NFYC: variants seen among roughly 807,000 people sequenced by gnomAD.
The protein encoded by NFYC is CAAT box DNA-binding protein subunit C.
NFYC carries 25 observed loss-of-function variants against 53.1 expected under a neutral mutation model. The ratio of observed to expected loss-of-function variants is 0.47; its 90% CI spans 0.34 to 0.66. NFYC has a LOEUF of 0.66. NFYC is among the 30% of genes least tolerant of loss of function. The pLI, the probability that NFYC is intolerant of heterozygous loss-of-function variation, is 0.01. For synonymous variants in NFYC, 145 were observed against 152.6 expected, an observed-to-expected ratio of 0.95 and a Z score of 0.37; for missense variants, 260 against 422.7, an observed-to-expected ratio of 0.62 and a Z score of 3.38.
chr1:40,697,028 T>C (rs1011494349), intron 1 of NFYC, among the ~76,000 whole-genome samples: 1 of 152,226 alleles, frequency 6.6e-6, no homozygotes, highest in Non-Finnish European at 1.5e-5. Context: ...TAGTTGCTGA[T>C]TGGAGTCAGA....
chr1:40,712,583 A>G (rs1643967378), intron 1 of NFYC: 1 of 147,976 alleles, frequency 6.8e-6, no homozygotes, highest in South Asian at 2.1e-4. Context: ...CTTTGTGATT[A>G]TCCTGTCAAT....
chr1:40,691,864 A>G lies in NFYC; in HGVS notation c.-12A>G. 1 of 421,180 alleles carries G rather than the reference A, an allele frequency of 2.4e-6. No individual in the cohort carries two copies. The highest frequency in any genetic ancestry group is 4.8e-6 in the Non-Finnish European group (1 of 207,914). 26.1% of individuals were successfully genotyped at this position (421,180 alleles called of 1,614,324 possible). A position where few individuals can be genotyped will look rare whatever the true frequency, so the allele number is the denominator to read the frequency against. ...TCCTGCTCTTCCTGGACTCCTGAGC[A>G]GAGGTGTGTGAGTGTGCGGGAGTTT... On this transcript the variant is annotated 5_prime_UTR_variant, in exon 1 of 10. Transcript: ENST00000447388.
rs1200455571 is a variant in NFYC at position 40,770,487 on chromosome 1, A to G, written c.889-222A>G. ...AGCCACAGGAAATTCAACTCCCTGC[A>G]CCTCTTCCCTGCCCACCACACACCC... On this transcript the variant is annotated intron_variant, in intron 9 of 9. Transcript: ENST00000447388. This position sits in a 1 kb window ranked among gnomAD's most constrained non-coding sequence, Gnocchi z 5.3. The G allele has an allele frequency of 6.4e-7, 1 of 1,551,270 alleles. No individual in the cohort carries two copies. Among genetic ancestry groups the G allele is most frequent in the Non-Finnish European group, 8.7e-7 (1 of 1,147,168 alleles).
At chr1:40,757,564 A>G (rs1376179288) in intron 5 of NFYC, among the ~76,000 whole-genome samples, 4 of 152,212 alleles carry the variant, frequency 2.6e-5, no homozygotes, top group East Asian at 1.9e-4. Context: ...AGAGCTTTCA[A>G]CAAGCTGTGA....
rs111840630 is a variant in NFYC, at chr1:40,713,626, A to T, written c.-9+21759A>T. 5.1e-3 allele frequency among the ~76,000 whole-genome samples: 782 copies of T among 152,278 alleles called. 10 individuals carry two copies. The highest frequency in any genetic ancestry group is 0.018 in the African/African-American group (757 of 41,562). ...TTAGGCTGATGGGAATCACTTAGGGATCTAGTCTAGTTCCCTTCTTGTAAA... is the reference window on the plus strand; with the variant it reads ...TTAGGCTGATGGGAATCACTTAGGGTTCTAGTCTAGTTCCCTTCTTGTAAA... On this transcript the variant is annotated intron_variant, in intron 1 of 9. Coordinates refer to ENST00000447388, the MANE Select transcript of NFYC (RefSeq NM_014223.5).
At chr1:40,764,473 C>A (rs955591965) in intron 7 of NFYC, among the ~76,000 whole-genome samples, 1 of 151,218 alleles carries the variant, frequency 6.6e-6, no homozygotes, top group Non-Finnish European at 1.5e-5. Flanking sequence ...CAGTCCTCAA[C>A]CCCAAGATTT....
chr1:40,740,252 C>T (rs16865693), intron 2 of NFYC, among the ~76,000 whole-genome samples: 7,810 of 152,162 alleles, frequency 0.051, 341 homozygotes, highest in African/African-American at 0.11. Flanking sequence ...TAACTTCTGA[C>T]GTTACAATGT....
chr1:40,744,135 G>A (rs1283555700), intron 2 of NFYC, among the ~76,000 whole-genome samples: 1 of 152,186 alleles, frequency 6.6e-6, no homozygotes, highest in Non-Finnish European at 1.5e-5. Context: ...TCCACCTCCT[G>A]TCAGATCAGC....
In NFYC at chr1:40,744,615, A is replaced by T. The variant is rs557559513; in HGVS notation, c.106-2919A>T. 1.1e-4 allele frequency among the ~76,000 whole-genome samples: 17 copies of T among 152,320 alleles called. No homozygotes were observed. In the South Asian group the frequency reaches 2.9e-3, roughly 26 times the overall value. Reference sequence around the variant, plus strand: ...GCAGTTTCAGATGGAAGCATTTTTAACGTAGTTCTTTGGTAGTGGTCAGGA... The same window carrying T: ...GCAGTTTCAGATGGAAGCATTTTTATCGTAGTTCTTTGGTAGTGGTCAGGA... On this transcript the variant is annotated intron_variant, in intron 2 of 9. Coordinates refer to ENST00000447388, the MANE Select transcript of NFYC (RefSeq NM_014223.5).
rs147093254 is a variant in NFYC, at chr1:40,704,785, TG to T, written c.-9+12919del. ...ATCAGACATTTGGTGGGATTAGTGG[TG>T]AAAAACCTGGGTTTCCAGCATAAAA... On this transcript the variant is annotated intron_variant, in intron 1 of 9. Coordinates refer to ENST00000447388, the MANE Select transcript of NFYC (RefSeq NM_014223.5). Among the ~76,000 whole-genome samples the T allele has an allele frequency of 3.5e-3, 526 of 152,306 alleles. 7 individuals are homozygous for T. The highest frequency in any genetic ancestry group is 0.012 in the African/African-American group (505 of 41,564).
At chr1:40,737,572 A>C (rs962822044) in intron 1 of NFYC, among the ~76,000 whole-genome samples, 3 of 151,848 alleles carry the variant, frequency 2.0e-5, no homozygotes, top group Admixed American at 2.0e-4. Context: ...CAGGTGATCC[A>C]CCTGCCTCGG....
At chr1:40,725,914 A>G (rs1211814632) in intron 1 of NFYC, among the ~76,000 whole-genome samples, 1 of 152,254 alleles carries the variant, frequency 6.6e-6, no homozygotes, top group Non-Finnish European at 1.5e-5. Flanking sequence ...GTGCAACAGC[A>G]TAATGTCTAA....
intron 5 of NFYC, among the ~76,000 whole-genome samples, chr1:40,756,496 C>T (rs775128359): frequency 6.6e-6 from 1 of 152,098 alleles, no homozygotes; most frequent in Non-Finnish European, 1.5e-5. Context: ...GTCAAGTAAC[C>T]ATGTCATGCA....
At chr1:40,696,028 T>TG (rs1643117467) in intron 1 of NFYC, among the ~76,000 whole-genome samples, 1 of 149,506 alleles carries the variant, frequency 6.7e-6, no homozygotes. Flanking sequence ...AATTCTGTTT[T>TG]TTTTTTTTTT....
At chr1:40,757,212 G>T in intron 5 of NFYC, 2 of 332,142 alleles carry the variant, frequency 6.0e-6, no homozygotes, top group East Asian at 7.9e-5. Flanking sequence ...GTGTCACACA[G>T]GTCACTCCGG....
intron 1 of NFYC, among the ~76,000 whole-genome samples, chr1:40,697,517 A>C (rs951058082): frequency 6.6e-6 from 1 of 152,214 alleles, no homozygotes; most frequent in African/African-American, 2.4e-5. Context: ...CCAAGTGTTG[A>C]GTGGTAATGA....
At chr1:40,709,817 G>T (rs982624627) in intron 1 of NFYC, among the ~76,000 whole-genome samples, 1 of 152,178 alleles carries the variant, frequency 6.6e-6, no homozygotes, top group Non-Finnish European at 1.5e-5. Flanking sequence ...ACAAGATCAG[G>T]TACATGGAGA....
chr1:40,749,007 A>G (rs550651670), intron 3 of NFYC, among the ~76,000 whole-genome samples: 1 of 152,206 alleles, frequency 6.6e-6, no homozygotes, highest in African/African-American at 2.4e-5. Context: ...TTTGACCAAG[A>G]GCTTCAACTT....
At chr1:40,696,895 A>C (rs1355769173) in intron 1 of NFYC, among the ~76,000 whole-genome samples, 1 of 152,188 alleles carries the variant, frequency 6.6e-6, no homozygotes, top group Non-Finnish European at 1.5e-5. Flanking sequence ...GAAGGCTACA[A>C]GGTCATTTTA....
Sources: allele counts gnomAD v4.1 joint callset (sites outside exome capture counted in the v4.1 genomes callset), GRCh38; gene constraint gnomAD v4.1.1; non-coding constraint Gnocchi (gnomAD v3.1); transcripts MANE v1.5; gene names NCBI Gene and HGNC (gene_info 2026-07-23, HGNC 2026-07-21).